The following IQSEC3 variants were observed in gnomAD, a reference collection of about 807,000 sequenced individuals.
IQSEC3 encodes the protein IQ motif and SEC7 domain-containing protein 3.
In IQSEC3, 50 loss-of-function variants were observed where a neutral mutation model predicts 105.4. That is an observed-to-expected ratio of 0.47 (90% CI 0.38 to 0.60). The LOEUF is 0.60. Among genes scored for constraint, IQSEC3 ranks in the 20% least tolerant of loss-of-function variants. IQSEC3 has a pLI of 0.00. For missense variants in IQSEC3, 1,415 were observed against 1,630.0 expected (o/e 0.87, Z 2.27); for synonymous variants, 708 against 746.0 (o/e 0.95, Z 0.83).
intron 4 of IQSEC3, 87 bp downstream of exon 4, chr12:139,441 G>C: frequency 8.4e-7 from 1 of 1,184,746 alleles, no homozygotes; most frequent in Non-Finnish European, 1.2e-6. Flanking sequence ...ACCAAGCAGG[G>C]CGCCAGGTAA....
chr12:128,522 T>C (rs1865489299), intron 3 of IQSEC3, among the ~76,000 whole-genome samples: 1 of 148,244 alleles, frequency 6.7e-6, no homozygotes, highest in Non-Finnish European at 1.5e-5. Context: ...GGGAGGGGTG[T>C]TGGACAATCT....
At chr12:173,700 C>A (rs374717222) in intron 13 of IQSEC3, among the ~76,000 whole-genome samples, 4 of 152,142 alleles carry the variant, frequency 2.6e-5, no homozygotes, top group African/African-American at 9.7e-5. Flanking sequence ...GTCATAGCCA[C>A]GGGCAGGGGA....
intron 11 of IQSEC3, 129 bp from the exon 12 acceptor site, chr12:168,884 G>A (rs561419532): frequency 1.2e-5 from 9 of 781,140 alleles, no homozygotes; most frequent in African/African-American, 1.0e-4. Context: ...CCCGAGGTCC[G>A]TGTTTCACAG....
In IQSEC3 at chr12:125,772, G is replaced by A. The variant is rs1555083135; in HGVS notation, c.763G>A (p.Ala255Thr). ...ELQEEEERPG[A>T]GAASPRAGPQ... ...GCAGGAGGAGGAGGAGCGGCCGGGG[G>A]CAGGGGCTGCCTCCCCAAGGGCTGG... is the stretch of plus-strand genomic sequence containing the variant. The change falls in exon 3 of 14, where the codon GCA (alanine) becomes ACA (threonine). Residue 255 changes from alanine to threonine, a missense_variant. Coordinates refer to ENST00000538872, the MANE Select transcript of IQSEC3 (RefSeq NM_001170738.2). The A allele has an allele frequency of 3.3e-6, 5 of 1,513,362 alleles. No individual in the cohort carries two copies. Among genetic ancestry groups the A allele is most frequent in the African/African-American group, 1.4e-5 (1 of 71,850 alleles). 93.7% of individuals were successfully genotyped at this position (1,513,362 alleles called of 1,614,324 possible).
intron 1 of IQSEC3, among the ~76,000 whole-genome samples, chr12:85,173 G>A (rs58737410): frequency 0.013 from 2,045 of 152,336 alleles, 32 homozygotes; most frequent in African/African-American, 0.038. Context: ...GCCATTCCTG[G>A]AGAAACACTG....
Position 165,819 on chromosome 12 carries a change from T to A in IQSEC3, c.2900T>A (p.Met967Lys), listed in dbSNP as rs1867146040. The A allele has an allele frequency of 1.2e-6, 2 of 1,613,960 alleles. No individual in the cohort carries two copies. The highest frequency in any genetic ancestry group is 1.7e-6 in the Non-Finnish European group (2 of 1,180,038). Residue 967 changes from methionine (M) to lysine (K), a missense_variant, in exon 11 of 14, where the codon ATG (methionine) becomes AAG (lysine). By Grantham distance (95) the Met-to-Lys change is moderately conservative. Coordinates refer to ENST00000538872, the MANE Select transcript of IQSEC3 (RefSeq NM_001170738.2). Reference protein sequence around the residue: ...LHFCALGSDEMQKFVEDLKES... With the variant: ...LHFCALGSDEKQKFVEDLKES... ...TTCTGTGCCCTGGGCTCGGACGAGA[T>A]GCAGAAGTTCGTGGAGGACCTGAAG...
intron 13 of IQSEC3, 158 bp downstream of exon 13, chr12:171,319 TA>T: frequency 6.2e-7 from 1 of 1,613,584 alleles, no homozygotes; most frequent in Non-Finnish European, 8.5e-7. Flanking sequence ...AAGTTACTGC[TA>T]GCATGGGTAA....
intron 3 of IQSEC3, among the ~76,000 whole-genome samples, chr12:133,041 C>T (rs1865649586): frequency 6.6e-6 from 1 of 152,192 alleles, no homozygotes; most frequent in African/African-American, 2.4e-5. Context: ...GCTGGCCATT[C>T]CCCTTACTTG....
intron 5 of IQSEC3, 116 bp from the exon 6 acceptor site, chr12:156,909 T>G (rs2137039078): frequency 1.6e-6 from 2 of 1,261,104 alleles, no homozygotes; most frequent in East Asian, 3.1e-5. Context: ...CCCCCGGGGG[T>G]GAGTAGCCTG....
chr12:157,286 G>A, intron 6 of IQSEC3, 139 bp downstream of exon 6: 1 of 1,304,846 alleles, frequency 7.7e-7, no homozygotes, highest in East Asian at 2.6e-5. Flanking sequence ...TGGGCAGGAG[G>A]ATGGCTGGGG....
chr12:93,115 G>C (rs113071688), intron 1 of IQSEC3, among the ~76,000 whole-genome samples: 218 of 152,228 alleles, frequency 1.4e-3, no homozygotes, highest in African/African-American at 5.1e-3. Flanking sequence ...TATTATCCTA[G>C]CTTTACTGGC....
In IQSEC3 at chr12:157,701, A is replaced by G; in HGVS notation, c.2443+7A>G. 6.2e-7 allele frequency: 1 copy of G among 1,609,498 alleles called. No individual in the cohort carries two copies. Among genetic ancestry groups the G allele is most frequent in the South Asian group, 1.1e-5 (1 of 90,290 alleles). Reference sequence around the variant, plus strand: ...TTCATCCGAAACCTTCGAGGTGAGGAGGTGGGCACTGGGGCAGGAGGGGCA... The same window carrying G: ...TTCATCCGAAACCTTCGAGGTGAGGGGGTGGGCACTGGGGCAGGAGGGGCA... On this transcript the variant is annotated splice_region_variant and intron_variant, in intron 7 of 13. Coordinates refer to ENST00000538872, the MANE Select transcript of IQSEC3 (RefSeq NM_001170738.2).
intron 8 of IQSEC3, among the ~76,000 whole-genome samples, chr12:163,209 TC>T (rs1194482842): frequency 1.6e-4 from 4 of 24,482 alleles, no homozygotes; most frequent in Admixed American, 5.3e-4. Flanking sequence ...AGCCCTCCCC[TC>T]CCCCTCCACA....
chr12:100,482 T>G (rs1237420170), intron 2 of IQSEC3, among the ~76,000 whole-genome samples: 4 of 152,146 alleles, frequency 2.6e-5, no homozygotes, highest in Non-Finnish European at 5.9e-5. Context: ...AGCCACCCCG[T>G]GAAAGGCATT....
At chr12:121,356 T>C (rs1865212091) in intron 2 of IQSEC3, among the ~76,000 whole-genome samples, 1 of 152,172 alleles carries the variant, frequency 6.6e-6, no homozygotes, top group Non-Finnish European at 1.5e-5. Flanking sequence ...CAGACTTATT[T>C]GTAGATGGAG....
intron 2 of IQSEC3, among the ~76,000 whole-genome samples, chr12:99,676 A>G (rs186676307): frequency 1.3e-5 from 2 of 152,260 alleles, no homozygotes; most frequent in African/African-American, 4.8e-5. Context: ...TTTAATGTTA[A>G]GGCTCTCTCA....
At chr12:158,962 G>C (rs1866793143) in intron 7 of IQSEC3, among the ~76,000 whole-genome samples, 1 of 152,156 alleles carries the variant, frequency 6.6e-6, no homozygotes, top group African/African-American at 2.4e-5. Flanking sequence ...CCTGGCCCTT[G>C]TTAATTATTT....
chr12:105,974 T>C (rs1463023864), intron 2 of IQSEC3, among the ~76,000 whole-genome samples: 1 of 152,224 alleles, frequency 6.6e-6, no homozygotes, highest in Non-Finnish European at 1.5e-5. Flanking sequence ...CGCAACTTTT[T>C]GTCAGCAGCA....
chr12:75,968 C>T lies in IQSEC3; in HGVS notation c.554+8532C>T, dbSNP rs1863504004. ...GACTGCCCCCGGCAATAAACAGAAC[C>T]GACCCCAATCCTAGCTATGAGCAGG... On this transcript the variant is annotated intron_variant, in intron 1 of 13. Coordinates refer to ENST00000538872, the MANE Select transcript of IQSEC3 (RefSeq NM_001170738.2). 3.3e-5 allele frequency among the ~76,000 whole-genome samples: 5 copies of T among 152,346 alleles called. No homozygotes were observed. In the East Asian group the frequency reaches 7.7e-4, roughly 23 times the overall value.
Sources: allele counts gnomAD v4.1 joint callset (sites outside exome capture counted in the v4.1 genomes callset), GRCh38; gene constraint gnomAD v4.1.1; transcripts MANE v1.5; gene names NCBI Gene and HGNC (gene_info 2026-07-23, HGNC 2026-07-21).